The following PCK2 variants were observed in gnomAD, a reference collection of about 807,000 sequenced individuals.
PCK2 encodes phosphoenolpyruvate carboxykinase [GTP], mitochondrial.
Under a neutral mutation model 65.9 loss-of-function variants are expected in PCK2, and 56 were observed. That is an observed-to-expected ratio of 0.85 (90% CI 0.69 to 1.06). PCK2 has a LOEUF of 1.06. Ranked by LOEUF, PCK2 falls within the 50% of genes least tolerant of loss-of-function variation. The pLI is 0.00. For missense variants in PCK2, 843 were observed against 863.1 expected (o/e 0.98, Z 0.29); for synonymous variants, 305 against 319.6 (o/e 0.95, Z 0.49).
In PCK2 at chr14:24,102,785, C is replaced by T. The variant is rs200437491; in HGVS notation, c.1267C>T (p.Arg423Ter). The change falls in exon 8 of 10, where the codon CGA (arginine) becomes TGA (stop). Residue 423 changes from arginine (R) to a stop codon, truncating the protein, a stop_gained. Transcript: ENST00000216780. LOFTEE classifies it high-confidence loss of function. ...DKEPCAHPNS[R>*]FCAPARQCPI... ...GGAGCCCTGTGCACATCCCAACTCTCGATTTTGTGCCCCGGCTCGCCAGTG... is the reference window on the plus strand; with the variant it reads ...GGAGCCCTGTGCACATCCCAACTCTTGATTTTGTGCCCCGGCTCGCCAGTG... 158 of 1,613,788 alleles carry T rather than the reference C, an allele frequency of 9.8e-5. 1 individual carries two copies. Among genetic ancestry groups the T allele is most frequent in the Non-Finnish European group, 1.2e-4 (145 of 1,179,800 alleles).
rs1265970571 is a variant in PCK2 at position 24,094,587 on chromosome 14, C to G, written c.29+153C>G. On this transcript the variant is annotated intron_variant, in intron 1 of 9. Coordinates refer to ENST00000216780, the MANE Select transcript of PCK2 (RefSeq NM_004563.4). This position sits in a 1 kb window ranked among gnomAD's most constrained non-coding sequence, Gnocchi z 4.1. ...CGACTGCTGTGGGTCCAGCCTCCCG[C>G]GCCGCGCGTCTCTTGGGAGGGCAGC... is the stretch of plus-strand genomic sequence containing the variant. 1.4e-6 allele frequency: 2 copies of G among 1,451,276 alleles called. No homozygotes were observed. Among genetic ancestry groups the G allele is most frequent in the African/African-American group, 2.9e-5 (2 of 70,174 alleles). The allele number at this position is 1,451,276 out of a possible 1,614,324, so 89.9% of individuals were successfully genotyped here.
Position 24,099,231 on chromosome 14 carries a change from A to T in PCK2, c.847A>T (p.Met283Leu), listed in dbSNP as rs1227439658. 1 of 1,592,950 alleles carries T rather than the reference A, an allele frequency of 6.3e-7. No individual in the cohort carries two copies. Among genetic ancestry groups the T allele is most frequent in the Admixed American group, 1.7e-5 (1 of 59,874 alleles). Residue 283 changes from methionine (M) to leucine (L), a missense_variant, in exon 5 of 10, where the codon ATG becomes TTG. Coordinates refer to ENST00000216780, the MANE Select transcript of PCK2 (RefSeq NM_004563.4). ...GGATGAGGGCTGGCTGGCAGAGCAC[A>T]TGCTGGTGAGGGCCTGGTGAGAAGC... ...ARDEGWLAEH[M>L]LILGITSPAG...
chr14:24,099,205 G>A lies in PCK2; in HGVS notation c.821G>A (p.Arg274Gln), dbSNP rs549215235. 150 of 1,601,412 alleles carry A rather than the reference G, an allele frequency of 9.4e-5. No homozygotes were observed. Among genetic ancestry groups the A allele is most frequent in the Admixed American group, 3.7e-4 (22 of 59,966 alleles). Reference protein sequence around the residue: ...FALRIASRLARDEGWLAEHML... With the variant: ...FALRIASRLAQDEGWLAEHML... Reference sequence around the variant, plus strand: ...CTACGCATCGCCTCTCGGCTGGCCCGGGATGAGGGCTGGCTGGCAGAGCAC... The same window carrying A: ...CTACGCATCGCCTCTCGGCTGGCCCAGGATGAGGGCTGGCTGGCAGAGCAC... The change falls in exon 5 of 10, where the codon CGG (arginine) becomes CAG (glutamine). Residue 274 changes from arginine (R) to glutamine (Q), a missense_variant. Arg to Gln is a conservative substitution (Grantham distance 43, BLOSUM62 1). Transcript: ENST00000216780.
chr14:24,103,408 C>G, intron 9 of PCK2, 102 bp from the exon 10 acceptor site: 1 of 1,226,782 alleles, frequency 8.2e-7, no homozygotes. Context: ...TGAAGATATT[C>G]AGAACCATAA....
Position 24,097,055 on chromosome 14 carries a change from G to A in PCK2, c.193G>A (p.Gly65Arg). The A allele has an allele frequency of 2.5e-6, 4 of 1,613,502 alleles. No homozygotes were observed. Among genetic ancestry groups the A allele is most frequent in the African/African-American group, 1.3e-5 (1 of 74,840 alleles). Residue 65 changes from glycine (G) to arginine (R), a missense_variant, in exon 2 of 10, where the codon GGA becomes AGA. Gly to Arg is a moderately radical substitution (Grantham distance 125). Transcript: ENST00000216780. ...ACCAGAGGGCATCCACATCTGTGAT[G>A]GAACTGAGGCTGAGAATACTGCCAC... ...CQPEGIHICD[G>R]TEAENTATLT...
rs1402274654 is a variant in PCK2 at position 24,103,854 on chromosome 14, C to T, written c.1813C>T (p.Gln605Ter). 6.2e-6 allele frequency: 10 copies of T among 1,614,002 alleles called. No homozygotes were observed. The East Asian group carries it at 2.2e-4, about 36-fold the overall frequency. ...CTCCCTCCCCAAGGACTTCTGGGAA[C>T]AGGAGGTTCGTGACATTCGGAGCTA... is the stretch of plus-strand genomic sequence containing the variant. ...LFSLPKDFWEQEVRDIRSYLT... is the reference protein window; with the variant it reads ...LFSLPKDFWE The change falls in exon 10 of 10, where the codon CAG becomes TAG. Residue 605 changes from glutamine to a stop codon, truncating the protein, a stop_gained. Transcript: ENST00000216780. LOFTEE classifies it high-confidence loss of function.
intron 2 of PCK2, among the ~76,000 whole-genome samples, chr14:24,097,442 T>C (rs1456302675): frequency 2.0e-5 from 3 of 150,648 alleles, no homozygotes; most frequent in African/African-American, 7.3e-5. Context: ...CGCATGCCTG[T>C]AATCCCAGCT....
At position 24,099,684 on chromosome 14, in the gene PCK2, G is replaced by A. The variant is rs1209710448; in HGVS notation, c.979G>A (p.Gly327Arg). ...ALPGWKVECV[G>R]DDIAWMRFDS... is the part of the protein sequence containing the mutation. ...GCCAGGCTGGAAAGTGGAGTGTGTGGGGGATGATATTGCTTGGATGAGGTT... is the reference window on the plus strand; with the variant it reads ...GCCAGGCTGGAAAGTGGAGTGTGTGAGGGATGATATTGCTTGGATGAGGTT... Residue 327 changes from glycine to arginine, a missense_variant, in exon 6 of 10, where the codon GGG (glycine) becomes AGG (arginine). Gly to Arg is a moderately radical substitution (Grantham distance 125, BLOSUM62 -2). Coordinates refer to ENST00000216780, the MANE Select transcript of PCK2 (RefSeq NM_004563.4). The A allele has an allele frequency of 1.2e-6, 2 of 1,614,004 alleles. No homozygotes were observed.
chr14:24,100,286 AAC>A, intron 7 of PCK2, 73 bp downstream of exon 7: 1 of 1,575,922 alleles, frequency 6.3e-7, no homozygotes, highest in Non-Finnish European at 8.6e-7. Context: ...CTTTCTCCAC[AAC>A]CTCCAACCAT....
Position 24,103,746 on chromosome 14 carries a change from C to G in PCK2, c.1705C>G (p.Arg569Gly), listed in dbSNP as rs532946144. The G allele has an allele frequency of 6.2e-6, 10 of 1,614,016 alleles. No individual in the cohort carries two copies. Among genetic ancestry groups the G allele is most frequent in the Non-Finnish European group, 8.5e-6 (10 of 1,180,034 alleles). Reference protein sequence around the residue: ...CRRLEGEDSARETPIGLVPKE... With the variant: ...CRRLEGEDSAGETPIGLVPKE... Reference sequence around the variant, plus strand: ...GCGGTTAGAGGGGGAGGACAGTGCCCGAGAGACACCCATTGGGCTGGTGCC... The same window carrying G: ...GCGGTTAGAGGGGGAGGACAGTGCCGGAGAGACACCCATTGGGCTGGTGCC... The change falls in exon 10 of 10, where the codon CGA (arginine) becomes GGA (glycine). Residue 569 changes from arginine (R) to glycine (G), a missense_variant. Coordinates refer to ENST00000216780, the MANE Select transcript of PCK2 (RefSeq NM_004563.4).
At chr14:24,096,776 TC>T in intron 1 of PCK2, 115 bp from the exon 2 acceptor site, 1 of 848,990 alleles carries the variant, frequency 1.2e-6, no homozygotes, top group Non-Finnish European at 1.9e-6. Flanking sequence ...CTCTTCATGG[TC>T]CCTGCATGCA....
Position 24,099,684 on chromosome 14 carries a change from G to C in PCK2, c.979G>C (p.Gly327Arg), listed in dbSNP as rs1209710448. 1 of 1,614,122 alleles carries C rather than the reference G, an allele frequency of 6.2e-7. No individual in the cohort carries two copies. ...ALPGWKVECVGDDIAWMRFDS... is the reference protein window; with the variant it reads ...ALPGWKVECVRDDIAWMRFDS... ...GCCAGGCTGGAAAGTGGAGTGTGTGGGGGATGATATTGCTTGGATGAGGTT... is the reference window on the plus strand; with the variant it reads ...GCCAGGCTGGAAAGTGGAGTGTGTGCGGGATGATATTGCTTGGATGAGGTT... The change falls in exon 6 of 10, where the codon GGG becomes CGG. Residue 327 changes from glycine (G) to arginine (R), a missense_variant. Physicochemically the swap from Gly to Arg is moderately radical, Grantham distance 125 (BLOSUM62 -2). Coordinates refer to ENST00000216780, the MANE Select transcript of PCK2 (RefSeq NM_004563.4).
intron 1 of PCK2, chr14:24,095,065 C>T (rs2036803587): frequency 2.2e-6 from 1 of 455,796 alleles, no homozygotes; most frequent in Admixed American, 2.4e-5. Flanking sequence ...CCGTCCAGGC[C>T]TGGAGCCCCC....
At chr14:24,095,114 T>A (rs1281132033) in intron 1 of PCK2, 10 of 456,012 alleles carry the variant, frequency 2.2e-5, no homozygotes, top group Non-Finnish European at 4.4e-5. Flanking sequence ...CTTAGTCTCC[T>A]ATTTATTCTC....
upstream of PCK2, chr14:24,094,226 C>T (rs957737731): frequency 5.0e-6 from 3 of 597,774 alleles, no homozygotes; most frequent in African/African-American, 4.0e-5. The surrounding 1 kb of genome is among the most constrained non-coding windows in gnomAD (Gnocchi z 4.1). Context: ...GCCAGCGGGG[C>T]GGAGGAAAGC....
In PCK2 at chr14:24,097,020, G is replaced by A. The variant is rs937039468; in HGVS notation, c.158G>A (p.Arg53His). 13 of 1,612,278 alleles carry A rather than the reference G, an allele frequency of 8.1e-6. No individual in the cohort carries two copies. The highest frequency in any genetic ancestry group is 4.5e-5 in the East Asian group (2 of 44,850). ...CGAGATTTTGTAGAGCACAGTGCCC[G>A]CCTGTGCCAACCAGAGGGCATCCAC... ...GIRDFVEHSA[R>H]LCQPEGIHIC... Residue 53 changes from arginine (R) to histidine (H), a missense_variant, in exon 2 of 10, where the codon CGC (arginine) becomes CAC (histidine). Physicochemically the swap from Arg to His is conservative, Grantham distance 29. Coordinates refer to ENST00000216780, the MANE Select transcript of PCK2 (RefSeq NM_004563.4).
At chr14:24,098,444 C>T (rs1313864726) in intron 3 of PCK2, 31 bp from the exon 4 acceptor site, 1 of 1,613,590 alleles carries the variant, frequency 6.2e-7, no homozygotes, top group Admixed American at 1.7e-5. Flanking sequence ...AGGTTTGGAA[C>T]CCTTCATCCA....
Position 24,104,067 on chromosome 14 carries a change from A to G in PCK2, c.*103A>G. 1.3e-6 allele frequency: 1 copy of G among 750,736 alleles called. No individual in the cohort carries two copies. The highest frequency in any genetic ancestry group is 2.3e-6 in the Non-Finnish European group (1 of 436,936). The allele number at this position is 750,736 out of a possible 1,614,324, so 46.5% of individuals were successfully genotyped here. Reference sequence around the variant, plus strand: ...AATTTGATATTAACTAACATCTTCAATGTGCCATAGACCTTCCCACAAAGA... The same window carrying G: ...AATTTGATATTAACTAACATCTTCAGTGTGCCATAGACCTTCCCACAAAGA... On this transcript the variant is annotated 3_prime_UTR_variant, in exon 10 of 10. Coordinates refer to ENST00000216780, the MANE Select transcript of PCK2 (RefSeq NM_004563.4).
chr14:24,097,069 G>A lies in PCK2; in HGVS notation c.207G>A (p.Glu69=), dbSNP rs376171481. The change falls in exon 2 of 10, where the codon GAG becomes GAA. Residue 69 remains glutamate (E), a synonymous_variant. Transcript: ENST00000216780. ...ACATCTGTGATGGAACTGAGGCTGAGAATACTGCCACACTGACCCTGCTGG... is the reference window on the plus strand; with the variant it reads ...ACATCTGTGATGGAACTGAGGCTGAAAATACTGCCACACTGACCCTGCTGG... ...GIHICDGTEA[E]NTATLTLLEQ... is the part of the protein sequence containing the mutation. 3.1e-6 allele frequency: 5 copies of A among 1,613,262 alleles called. No individual in the cohort carries two copies. The African/African-American group carries it at 6.7e-5, about 22-fold the overall frequency.
Sources: gnomAD v4.1 joint callset for allele counts (sites outside exome capture counted in the v4.1 genomes callset) on GRCh38, gnomAD v4.1.1 for gene constraint, Gnocchi (gnomAD v3.1) non-coding constraint, MANE v1.5 for transcripts, NCBI Gene and HGNC (gene_info 2026-07-23, HGNC 2026-07-21) for gene names.